Variants in CNIH3 observed in about 807,000 individuals in gnomAD.
CNIH3 encodes the protein protein cornichon homolog 3.
Under a neutral mutation model 24.1 loss-of-function variants are expected in CNIH3, and 14 were observed. That is an observed-to-expected ratio of 0.58 (90% CI 0.38 to 0.91). CNIH3 has a LOEUF of 0.91. CNIH3 is among the 40% of genes least tolerant of loss of function. The probability of loss-of-function intolerance (pLI) is 0.00; values close to 1 mark genes in which losing one functional copy is unlikely to be tolerated. For synonymous variants in CNIH3, 68 were observed against 73.8 expected (o/e 0.92, Z 0.40); for missense variants, 178 against 196.8 (o/e 0.90, Z 0.57).
intron 1 of CNIH3, among the ~76,000 whole-genome samples, chr1:224,465,942 C>T (rs186095976): frequency 1.5e-4 from 23 of 152,244 alleles, no homozygotes; most frequent in East Asian, 3.9e-4. Context: ...GCAGGAGAAT[C>T]GCTTGAGCCT....
intron 1 of CNIH3, chr1:224,434,916 G>A: frequency 1.0e-6 from 1 of 985,874 alleles, no homozygotes; most frequent in Non-Finnish European, 1.2e-6. Context: ...GGGCTGTCCC[G>A]GGGGTCAGGG....
chr1:224,539,446 C>G (rs1402677983), downstream of CNIH3, among the ~76,000 whole-genome samples: 1 of 152,148 alleles, frequency 6.6e-6, no homozygotes, highest in Middle Eastern at 3.2e-3. Context: ...ATCAAATTTC[C>G]AACTTCGACT....
chr1:224,658,772 A>T (rs555891118), intron 1 of CNIH3, among the ~76,000 whole-genome samples: 1 of 150,842 alleles, frequency 6.6e-6, no homozygotes, highest in Non-Finnish European at 1.5e-5. Context: ...ATCTCCTATT[A>T]TCTCTTATTA....
intron 1 of CNIH3, among the ~76,000 whole-genome samples, chr1:224,677,783 G>T (rs1392884395): frequency 2.0e-5 from 3 of 152,208 alleles, no homozygotes; most frequent in African/African-American, 7.2e-5. Flanking sequence ...GAGCAGGACT[G>T]GGGTTGGGGA....
chr1:224,617,909 T>C (rs1218610039), intron 1 of CNIH3, among the ~76,000 whole-genome samples: 1 of 152,076 alleles, frequency 6.6e-6, no homozygotes, highest in Non-Finnish European at 1.5e-5. Flanking sequence ...GACGACGGTG[T>C]CCTCCATCTG....
intron 1 of CNIH3, among the ~76,000 whole-genome samples, chr1:224,666,572 G>A (rs1044051941): frequency 6.6e-6 from 1 of 152,152 alleles, no homozygotes; most frequent in African/African-American, 2.4e-5. Flanking sequence ...AGCCCATGGA[G>A]GTTTTTACAA....
At chr1:224,522,624 A>G (rs992488374) in intron 2 of CNIH3, among the ~76,000 whole-genome samples, 1 of 152,244 alleles carries the variant, frequency 6.6e-6, no homozygotes, top group Non-Finnish European at 1.5e-5. Context: ...TTGACAGGGC[A>G]TTTCACAACA....
At position 224,638,495 on chromosome 1, in the gene CNIH3, C is replaced by G. The variant is rs542869378; in HGVS notation, c.81+21240C>G. ...AGACCTGAGCTTCTGAATTTGGGCT[C>G]TAGAACTCTCCTCTGGCTTGCCTTT... is the stretch of plus-strand genomic sequence containing the variant. On this transcript the variant is annotated intron_variant, in intron 1 of 5. Coordinates refer to ENST00000272133, the MANE Select transcript of CNIH3 (RefSeq NM_152495.2). Among the ~76,000 whole-genome samples the G allele has an allele frequency of 2.0e-5, 3 of 152,300 alleles. No individual in the cohort carries two copies. In the South Asian group the frequency reaches 6.2e-4, roughly 32 times the overall value.
chr1:224,735,795 T>C (rs1689565021), intron 5 of CNIH3, among the ~76,000 whole-genome samples: 1 of 151,920 alleles, frequency 6.6e-6, no homozygotes, highest in Non-Finnish European at 1.5e-5. Context: ...GGACTGCAGG[T>C]GTGTGTCACC....
intron 3 of CNIH3, among the ~76,000 whole-genome samples, chr1:224,716,381 G>T (rs1049666391): frequency 6.6e-6 from 1 of 152,166 alleles, no homozygotes; most frequent in Non-Finnish European, 1.5e-5. Flanking sequence ...CGCAGGCAAG[G>T]ATGGTGTCTT....
chr1:224,528,320 T>G (rs1201594797), intron 2 of CNIH3, among the ~76,000 whole-genome samples: 1 of 151,842 alleles, frequency 6.6e-6, no homozygotes, highest in Non-Finnish European at 1.5e-5. Flanking sequence ...TATTTACTTA[T>G]TTATTTATGT....
chr1:224,575,442 A>AT (rs57325458), intron 4 of CNIH3: 10,102 of 650,170 alleles, frequency 0.016, no homozygotes, highest in Middle Eastern at 0.023. Flanking sequence ...TTTCTGTCTC[A>AT]TTTTTTTTTT....
chr1:224,720,897 C>T (rs186604327), intron 3 of CNIH3, among the ~76,000 whole-genome samples: 41 of 152,224 alleles, frequency 2.7e-4, no homozygotes, highest in African/African-American at 8.9e-4. Flanking sequence ...TGTCTCAAGC[C>T]CCTGAATGAA....
At chr1:224,455,926 C>T (rs1010288513) in intron 1 of CNIH3, among the ~76,000 whole-genome samples, 11 of 152,188 alleles carry the variant, frequency 7.2e-5, no homozygotes, top group African/African-American at 2.2e-4. Context: ...AATATGAATA[C>T]TACCAGTGTT....
intron 3 of CNIH3, among the ~76,000 whole-genome samples, chr1:224,563,416 G>C (rs1244885490): frequency 1.3e-5 from 2 of 151,938 alleles, no homozygotes; most frequent in African/African-American, 4.8e-5. Context: ...TTATGGGTGG[G>C]TTGGCAGAAG....
At position 224,506,712 on chromosome 1, in the gene CNIH3, A is replaced by T. The variant is rs551665475; in HGVS notation, n.204-9029A>T. On this transcript the variant is annotated intron_variant and non_coding_transcript_variant, in intron 1 of 5. Coordinates refer to the CNIH3 transcript ENST00000471578. The stretch of plus-strand genomic sequence containing the variant: ...GGGAAATGGAGTTGCTTGCTTTTCC[A>T]TTAGACCCTTCTCCATACTAGAACT... Among the ~76,000 whole-genome samples, 11 of 152,318 alleles carry T rather than the reference A, an allele frequency of 7.2e-5. No individual in the cohort carries two copies. In the East Asian group the frequency reaches 2.1e-3, roughly 29 times the overall value.
intron 1 of CNIH3, among the ~76,000 whole-genome samples, chr1:224,470,199 T>C (rs1676313943): frequency 6.6e-6 from 1 of 152,112 alleles, no homozygotes; most frequent in Admixed American, 6.6e-5. Flanking sequence ...TTTGTATTTT[T>C]AGTAGAGACG....
chr1:224,707,077 T>C (rs951115330), intron 3 of CNIH3, among the ~76,000 whole-genome samples: 2 of 147,064 alleles, frequency 1.4e-5, no homozygotes, highest in African/African-American at 5.0e-5. Flanking sequence ...AATCCTCCCA[T>C]CTCAGCCTCC....
At chr1:224,702,725 G>A (rs1687567754) in intron 3 of CNIH3, among the ~76,000 whole-genome samples, 1 of 152,180 alleles carries the variant, frequency 6.6e-6, no homozygotes, top group Non-Finnish European at 1.5e-5. Flanking sequence ...TGGTCAAGGG[G>A]GCACAGACCG....
Sources: gnomAD v4.1 joint callset for allele counts (sites outside exome capture counted in the v4.1 genomes callset) on GRCh38, gnomAD v4.1.1 for gene constraint, MANE v1.5 for transcripts, NCBI Gene and HGNC (gene_info 2026-07-23, HGNC 2026-07-21) for gene names.